EMID1: variants seen among roughly 807,000 people sequenced by gnomAD.
EMID1 encodes EMI domain containing 1.
Under a neutral mutation model 60.6 loss-of-function variants are expected in EMID1, and 40 were observed. The observed-to-expected ratio is 0.66, with a 90% CI of 0.51 to 0.86. The LOEUF (loss-of-function observed/expected upper bound fraction) is 0.86, where lower values mean the gene tolerates loss of function less well. EMID1 is among the 40% of genes least tolerant of loss of function. The pLI is 0.00. For synonymous variants in EMID1, 242 were observed against 231.0 expected, an observed-to-expected ratio of 1.05 and a Z score of -0.43; for missense variants, 585 against 597.1, an observed-to-expected ratio of 0.98 and a Z score of 0.21.
intron 5 of EMID1, among the ~76,000 whole-genome samples, chr22:29,228,860 T>C (rs1295517214): frequency 1.3e-5 from 2 of 151,970 alleles, no homozygotes; most frequent in African/African-American, 2.4e-5. Context: ...CCTCCAGGAG[T>C]GTTGGGATTA....
At chr22:29,233,324 G>C in intron 8 of EMID1, 55 bp from the exon 9 acceptor site, 1 of 1,595,916 alleles carries the variant, frequency 6.3e-7, no homozygotes, top group Non-Finnish European at 8.6e-7. Context: ...GGCAGGTGAA[G>C]ACTAACCACC....
chr22:29,241,578 G>GA (rs35835860), intron 12 of EMID1, among the ~76,000 whole-genome samples: 20,399 of 150,056 alleles, frequency 0.14, 1,589 homozygotes, highest in East Asian at 0.23. Flanking sequence ...TAGTAGAGAC[G>GA]GGGTTTCACC....
intron 3 of EMID1, chr22:29,216,431 G>A (rs2040084912): frequency 9.1e-6 from 9 of 985,444 alleles, no homozygotes; most frequent in Non-Finnish European, 1.1e-5. Context: ...CAAGCATGGC[G>A]CTAAAGAGGA....
chr22:29,223,649 C>T (rs1310631488), intron 3 of EMID1, among the ~76,000 whole-genome samples: 1 of 152,234 alleles, frequency 6.6e-6, no homozygotes, highest in Non-Finnish European at 1.5e-5. Context: ...GCCGAGTTGC[C>T]TCTCTTCTCT....
chr22:29,243,974 C>T (rs1408736308), intron 13 of EMID1, among the ~76,000 whole-genome samples: 1 of 152,168 alleles, frequency 6.6e-6, no homozygotes, highest in African/African-American at 2.4e-5. Context: ...ATAGGAGCCA[C>T]GTGGTAAAAA....
intron 2 of EMID1, chr22:29,215,299 C>A (rs1257918895): frequency 1.0e-6 from 1 of 979,652 alleles, no homozygotes; most frequent in African/African-American, 1.8e-5. Context: ...CAGGCCAGCC[C>A]AGCCTGCAGG....
chr22:29,249,583 C>CTTTATTTA (rs202158968), intron 13 of EMID1, among the ~76,000 whole-genome samples: 2 of 137,812 alleles, frequency 1.5e-5, no homozygotes, highest in African/African-American at 2.8e-5. Flanking sequence ...CCCAAAATAC[C>CTTTATTTA]TTTATTATTT....
At chr22:29,251,816 C>G (rs2041538523) in intron 13 of EMID1, among the ~76,000 whole-genome samples, 1 of 152,108 alleles carries the variant, frequency 6.6e-6, no homozygotes, top group Non-Finnish European at 1.5e-5. Flanking sequence ...AGGTGCACAC[C>G]ACCAAGCTTG....
intron 14 of EMID1, chr22:29,255,359 C>G (rs775721393): frequency 6.8e-7 from 1 of 1,478,844 alleles, no homozygotes; most frequent in Admixed American, 2.2e-5. Flanking sequence ...ATCATCTGGC[C>G]AGGTAATGGC....
intron 7 of EMID1, 46 bp from the exon 8 acceptor site, chr22:29,232,210 C>T (rs762551824): frequency 6.2e-7 from 1 of 1,610,678 alleles, no homozygotes. Context: ...CACCCTGGGC[C>T]TCCTTGCCTC....
chr22:29,228,033 G>A (rs2040591275), intron 5 of EMID1, among the ~76,000 whole-genome samples: 2 of 151,742 alleles, frequency 1.3e-5, no homozygotes, highest in South Asian at 4.1e-4. Context: ...GCGCATGCCT[G>A]TAATCCCAGC....
rs776473049 is a variant in EMID1 at position 29,225,150 on chromosome 22, T to C, written c.337T>C (p.Ser113Pro). 6.8e-6 allele frequency: 11 copies of C among 1,613,956 alleles called. No homozygotes were observed. The South Asian group carries it at 8.8e-5, about 13-fold the overall frequency. The change falls in exon 4 of 15, where the codon TCC becomes CCC. Residue 113 changes from serine to proline, a missense_variant. Coordinates refer to ENST00000334018, the MANE Select transcript of EMID1 (RefSeq NM_133455.4). ...TCCCTTAGTTGCAGCTTCCTCTGCC[T>C]CCTTGGAGCCCATGTGGTCGGGCAG... Reference protein sequence around the residue: ...SCEEVAASSASLEPMWSGSTM... With the variant: ...SCEEVAASSAPLEPMWSGSTM...
At chr22:29,212,095 C>G (rs1367180907) in intron 1 of EMID1, among the ~76,000 whole-genome samples, 1 of 152,098 alleles carries the variant, frequency 6.6e-6, no homozygotes. Flanking sequence ...AAACAATTCT[C>G]CTGCTTCAGC....
intron 13 of EMID1, among the ~76,000 whole-genome samples, chr22:29,249,481 C>G (rs184128989): frequency 3.3e-5 from 5 of 152,254 alleles, no homozygotes; most frequent in African/African-American, 1.2e-4. Flanking sequence ...CCATGTTGGC[C>G]AGGCTGATCT....
chr22:29,226,486 G>C lies in EMID1; in HGVS notation c.404-4G>C. The C allele has an allele frequency of 6.2e-7, 1 of 1,610,954 alleles. No homozygotes were observed. The highest frequency in any genetic ancestry group is 8.5e-7 in the Non-Finnish European group (1 of 1,178,524). On this transcript the variant is annotated splice_region_variant and splice_polypyrimidine_tract_variant and intron_variant, in intron 4 of 14. Coordinates refer to ENST00000334018, the MANE Select transcript of EMID1 (RefSeq NM_133455.4). ...CCTGGCCCCAGCTTCCTCCCTCCCCGCAGGTTGTCTCAACTGCAGCAAAGT... is the reference window on the plus strand; with the variant it reads ...CCTGGCCCCAGCTTCCTCCCTCCCCCCAGGTTGTCTCAACTGCAGCAAAGT...
At chr22:29,215,721 C>A in intron 3 of EMID1, 91 bp downstream of exon 3, 2 of 1,006,736 alleles carry the variant, frequency 2.0e-6, no homozygotes, top group South Asian at 1.4e-5. Context: ...TTAAGAGAGT[C>A]ATGCACAGTA....
intron 1 of EMID1, among the ~76,000 whole-genome samples, chr22:29,206,867 T>C (rs2039680434): frequency 6.6e-6 from 1 of 152,226 alleles, no homozygotes; most frequent in South Asian, 2.1e-4. Context: ...GGAATTGGCA[T>C]CATCTTTTAG....
At position 29,254,203 on chromosome 22, in the gene EMID1, G is replaced by C. The variant is rs765181283; in HGVS notation, c.1120G>C (p.Gly374Arg). 5.0e-6 allele frequency: 8 copies of C among 1,613,988 alleles called. No homozygotes were observed. In the Admixed American group the frequency reaches 1.0e-4, roughly 20 times the overall value. ...KGDPGEKSHWGEGLHQLREAL... is the reference protein window; with the variant it reads ...KGDPGEKSHWREGLHQLREAL... ...CTGCATCTGTCTCTTTCCTCCACAG[G>C]GGGAGGGGTTGCACCAGCTACGCGA... The change falls in exon 14 of 15, where the codon GGG (glycine) becomes CGG (arginine). Residue 374 changes from glycine to arginine, a missense_variant and splice_region_variant. Transcript: ENST00000334018.
intron 13 of EMID1, among the ~76,000 whole-genome samples, chr22:29,250,303 C>T (rs57384024): frequency 6.6e-6 from 1 of 151,338 alleles, no homozygotes; most frequent in African/African-American, 2.5e-5. Flanking sequence ...TTCTCACACA[C>T]TGCGTTTGGT....
Sources: allele counts gnomAD v4.1 joint callset (sites outside exome capture counted in the v4.1 genomes callset), GRCh38; gene constraint gnomAD v4.1.1; transcripts MANE v1.5; gene names NCBI Gene and HGNC (gene_info 2026-07-23, HGNC 2026-07-21).